The following COL5A2 variants were observed in gnomAD, a reference collection of about 807,000 sequenced individuals.
The protein encoded by COL5A2 is collagen alpha-2(V) chain.
Under a neutral mutation model 208.2 loss-of-function variants are expected in COL5A2, and 23 were observed. The observed-to-expected ratio is 0.11, with a 90% CI of 0.08 to 0.16. The LOEUF (loss-of-function observed/expected upper bound fraction) is 0.16, where lower values mean the gene tolerates loss of function less well. Ranked by LOEUF, COL5A2 falls within the 10% of genes least tolerant of loss-of-function variation. COL5A2 has a pLI of 1.00. For missense variants in COL5A2, 1,590 were observed against 1,956.4 expected, an observed-to-expected ratio of 0.81 and a Z score of 3.53; for synonymous variants, 625 against 628.5, an observed-to-expected ratio of 0.99 and a Z score of 0.08.
chr2:189,390,980 AAAT>A, the COL5A2 span, among the ~76,000 whole-genome samples: 1 of 152,194 alleles, frequency 6.6e-6, no homozygotes. Flanking sequence ...TAATTTCTTA[AAAT>A]AATAAAGTTT....
chr2:189,173,829 T>C (rs1483200817), intron 1 of COL5A2, among the ~76,000 whole-genome samples: 2 of 152,228 alleles, frequency 1.3e-5, no homozygotes, highest in East Asian at 3.8e-4. Flanking sequence ...AGATTTGTCT[T>C]ATATAAACTT....
At chr2:189,129,094 C>G (rs903072377) in intron 1 of COL5A2, among the ~76,000 whole-genome samples, 1 of 151,808 alleles carries the variant, frequency 6.6e-6, no homozygotes, top group African/African-American at 2.4e-5. Flanking sequence ...TCCATTTGTG[C>G]CTTTATGGTC....
At chr2:189,036,205 A>G (rs1685440746) in intron 52 of COL5A2, among the ~76,000 whole-genome samples, 1 of 152,080 alleles carries the variant, frequency 6.6e-6, no homozygotes, top group Admixed American at 6.5e-5. Context: ...AAGTTCAGAG[A>G]CTTTATAAGG....
At chr2:189,401,257 C>G in the COL5A2 span, among the ~76,000 whole-genome samples, 1 of 152,088 alleles carries the variant, frequency 6.6e-6, no homozygotes. Context: ...TGTTGTCCCC[C>G]TTATGTGTCC....
At chr2:189,207,341 A>T (rs1287579208) in intron 1 of COL5A2, among the ~76,000 whole-genome samples, 1 of 152,170 alleles carries the variant, frequency 6.6e-6, no homozygotes, top group Admixed American at 6.5e-5. Flanking sequence ...ATATTTTCAA[A>T]ATTATGTCAA....
chr2:189,033,905 T>C lies in COL5A2; in HGVS notation c.*165A>G, dbSNP rs1685388427. 6.3e-6 allele frequency: 5 copies of C among 796,866 alleles called. No homozygotes were observed. Among genetic ancestry groups the C allele is most frequent in the Non-Finnish European group, 1.0e-5 (5 of 481,210 alleles). 49.4% of individuals were successfully genotyped at this position (796,866 alleles called of 1,614,324 possible). On this transcript the variant is annotated 3_prime_UTR_variant, in exon 54 of 54. Coordinates refer to ENST00000374866, the MANE Select transcript of COL5A2 (RefSeq NM_000393.5). ...TTGAGGATTGTAAGTAAAATAAATA[T>C]TCTGAAGGATAAGGAGGCCAGGCAC...
At chr2:189,291,167 A>G in the COL5A2 span, among the ~76,000 whole-genome samples, 1 of 152,102 alleles carries the variant, frequency 6.6e-6, no homozygotes, top group South Asian at 2.1e-4. Context: ...GATTCCATAA[A>G]TCTCAATAAA....
At chr2:189,078,247 TC>T (rs1686454111) in intron 16 of COL5A2, among the ~76,000 whole-genome samples, 2 of 152,190 alleles carry the variant, frequency 1.3e-5, no homozygotes, top group African/African-American at 4.8e-5. Flanking sequence ...TTATATGTAT[TC>T]ATTATTTTCT....
upstream of COL5A2, among the ~76,000 whole-genome samples, chr2:189,226,371 T>C (rs1209474620): frequency 1.3e-5 from 2 of 152,082 alleles, no homozygotes; most frequent in East Asian, 3.9e-4. Flanking sequence ...GCTAATTCTG[T>C]TTATGAGAAA....
the COL5A2 span, among the ~76,000 whole-genome samples, chr2:189,379,991 G>T: frequency 1.3e-5 from 2 of 152,012 alleles, no homozygotes; most frequent in Non-Finnish European, 2.9e-5. Context: ...CTGGTTGTTT[G>T]TGGGTTTTAG....
the COL5A2 span, among the ~76,000 whole-genome samples, chr2:189,396,754 C>A: frequency 2.0e-5 from 3 of 149,856 alleles, no homozygotes; most frequent in Non-Finnish European, 4.4e-5. Context: ...GAGGCCGAGG[C>A]GGGCAGATCA....
At chr2:189,367,134 G>C in the COL5A2 span, among the ~76,000 whole-genome samples, 1 of 152,098 alleles carries the variant, frequency 6.6e-6, no homozygotes, top group Non-Finnish European at 1.5e-5. Context: ...TGACATTCTG[G>C]AGGTCATTTT....
At chr2:189,408,110 C>T in the COL5A2 span, among the ~76,000 whole-genome samples, 1 of 152,140 alleles carries the variant, frequency 6.6e-6, no homozygotes, top group Non-Finnish European at 1.5e-5. Context: ...AAAATGAAAT[C>T]CTCTCTAATC....
the COL5A2 span, among the ~76,000 whole-genome samples, chr2:189,388,949 C>T: frequency 7.2e-5 from 11 of 152,134 alleles, no homozygotes; most frequent in African/African-American, 2.7e-4. Context: ...AATGGAAGAG[C>T]CACTGAAAGG....
the COL5A2 span, among the ~76,000 whole-genome samples, chr2:189,418,659 A>C: frequency 1.3e-5 from 2 of 152,154 alleles, no homozygotes; most frequent in African/African-American, 2.4e-5. Flanking sequence ...GCCAGTATTA[A>C]TATTCTCAGA....
At chr2:189,099,797 G>A (rs1332770746) in intron 4 of COL5A2, among the ~76,000 whole-genome samples, 2 of 151,944 alleles carry the variant, frequency 1.3e-5, no homozygotes, top group Admixed American at 6.6e-5. Flanking sequence ...CCAGAAGTGT[G>A]GAATAATAAA....
intron 1 of COL5A2, among the ~76,000 whole-genome samples, chr2:189,156,831 C>G (rs558487124): frequency 6.6e-6 from 1 of 151,970 alleles, no homozygotes; most frequent in African/African-American, 2.4e-5. Flanking sequence ...TTAATTCACA[C>G]TAGCGAATAT....
intron 45 of COL5A2, 52 bp downstream of exon 45, chr2:189,048,157 G>A: frequency 1.3e-6 from 2 of 1,537,624 alleles, no homozygotes; most frequent in Non-Finnish European, 1.8e-6. Context: ...AAATTAAAAA[G>A]ATTTCAGATT....
chr2:189,287,930 T>A, the COL5A2 span, among the ~76,000 whole-genome samples: 1 of 152,316 alleles, frequency 6.6e-6, no homozygotes, highest in South Asian at 2.1e-4. Context: ...CAAAAACTTA[T>A]GGTTATATTT....
Sources: allele counts gnomAD v4.1 joint callset (sites outside exome capture counted in the v4.1 genomes callset), GRCh38; gene constraint gnomAD v4.1.1; transcripts MANE v1.5; gene names NCBI Gene and HGNC (gene_info 2026-07-23, HGNC 2026-07-21).